Variants in NLGN1 observed in about 807,000 individuals in gnomAD.
The protein encoded by NLGN1 is neuroligin 1, also known as neuroligin-1.
A neutral mutation model predicts 65.5 loss-of-function variants in NLGN1; 12 were observed. That is an observed-to-expected ratio of 0.18 (90% confidence interval 0.12 to 0.30). The LOEUF (loss-of-function observed/expected upper bound fraction) is 0.30, where lower values mean the gene tolerates loss of function less well. Among genes scored for constraint, NLGN1 ranks in the 10% least tolerant of loss-of-function variants. The pLI is 1.00. For synonymous variants in NLGN1, 350 were observed against 359.5 expected (o/e 0.97, Z 0.30); for missense variants, 750 against 1,007.1 (o/e 0.74, Z 3.46).
chr3:174,083,847 G>GA (rs889569359), intron 4 of NLGN1, among the ~76,000 whole-genome samples: 5 of 151,370 alleles, frequency 3.3e-5, no homozygotes, highest in African/African-American at 9.7e-5. Flanking sequence ...TGACAAGAGT[G>GA]AAAAAAAAGA....
intron 4 of NLGN1, among the ~76,000 whole-genome samples, chr3:174,004,470 A>G (rs1466077272): frequency 3.3e-5 from 5 of 152,226 alleles, no homozygotes; most frequent in African/African-American, 9.6e-5. Context: ...CAAATTTTAT[A>G]TATCTTTTTT....
intron 4 of NLGN1, among the ~76,000 whole-genome samples, chr3:173,960,652 A>C (rs1357319976): frequency 6.6e-6 from 1 of 152,042 alleles, no homozygotes; most frequent in East Asian, 1.9e-4. Flanking sequence ...AATCATTTAA[A>C]TATAAACTAT....
chr3:174,104,238 A>G (rs943376302), intron 4 of NLGN1, among the ~76,000 whole-genome samples: 10 of 152,170 alleles, frequency 6.6e-5, no homozygotes, highest in African/African-American at 2.2e-4. Flanking sequence ...CAAAAATATT[A>G]TAGTAATATT....
chr3:174,041,232 A>AAAT (rs1333767635), intron 4 of NLGN1, among the ~76,000 whole-genome samples: 4 of 152,134 alleles, frequency 2.6e-5, no homozygotes, highest in Non-Finnish European at 5.9e-5. Context: ...AAATGAAATT[A>AAAT]AATAGTGTGC....
At chr3:173,709,973 A>G (rs1768695873) in intron 3 of NLGN1, among the ~76,000 whole-genome samples, 1 of 152,146 alleles carries the variant, frequency 6.6e-6, no homozygotes, top group South Asian at 2.1e-4. Context: ...CTTTAAAGGT[A>G]TAAATACTAA....
At chr3:174,289,943 GTATATATATGTGTATA>G (rs1400540327), downstream of NLGN1, among the ~76,000 whole-genome samples, 21 of 69,960 alleles carry the variant, frequency 3.0e-4, no homozygotes, top group African/African-American at 1.1e-3. Context: ...ATATATGTAT[GTATATATATGTGTATA>G]TATATATATG....
intron 3 of NLGN1, among the ~76,000 whole-genome samples, chr3:173,645,747 G>A (rs927122052): frequency 6.6e-6 from 1 of 152,200 alleles, no homozygotes; most frequent in Non-Finnish European, 1.5e-5. Flanking sequence ...GACTCATGGA[G>A]AATGAGGGAG....
chr3:173,627,044 G>A (rs937745605), intron 3 of NLGN1, among the ~76,000 whole-genome samples: 3 of 152,092 alleles, frequency 2.0e-5, no homozygotes, highest in South Asian at 2.1e-4. Context: ...AGTAAACTAC[G>A]TCCTCAAAAG....
intron 4 of NLGN1, among the ~76,000 whole-genome samples, chr3:174,185,675 C>T (rs892697717): frequency 6.6e-6 from 1 of 151,552 alleles, no homozygotes; most frequent in Non-Finnish European, 1.5e-5. Context: ...AAAGATCAGA[C>T]ATATGAAAAA....
intron 4 of NLGN1, among the ~76,000 whole-genome samples, chr3:173,916,653 G>C (rs1162408280): frequency 6.6e-6 from 1 of 152,016 alleles, no homozygotes; most frequent in Non-Finnish European, 1.5e-5. Context: ...ACATATTCCA[G>C]TGAGGCTTAT....
chr3:173,492,919 G>A (rs1159754262), intron 2 of NLGN1, among the ~76,000 whole-genome samples: 1 of 151,698 alleles, frequency 6.6e-6, no homozygotes, highest in Non-Finnish European at 1.5e-5. Flanking sequence ...TATCTCCTTA[G>A]GAATCCTGGG....
chr3:174,077,495 G>A (rs1382492414), intron 4 of NLGN1, among the ~76,000 whole-genome samples: 1 of 151,978 alleles, frequency 6.6e-6, no homozygotes, highest in Non-Finnish European at 1.5e-5. Context: ...AAAATATTTG[G>A]ACAACATGAG....
chr3:174,214,807 A>G (rs4378976), intron 4 of NLGN1, among the ~76,000 whole-genome samples: 93,195 of 151,898 alleles, frequency 0.61, 30,182 homozygotes, highest in East Asian at 0.77. Flanking sequence ...CCATAATCCT[A>G]CCCTGAGTTC....
intron 4 of NLGN1, among the ~76,000 whole-genome samples, chr3:173,951,930 G>T (rs1293702554): frequency 1.3e-5 from 2 of 152,042 alleles, no homozygotes; most frequent in Non-Finnish European, 2.9e-5. Context: ...AACCATTTTG[G>T]TTAGATTTTT....
At chr3:174,065,364 A>G (rs750814470) in intron 4 of NLGN1, among the ~76,000 whole-genome samples, 1 of 152,172 alleles carries the variant, frequency 6.6e-6, no homozygotes, top group African/African-American at 2.4e-5. Context: ...TGTATAATTT[A>G]TATGTATAAA....
rs189870027 is a variant in NLGN1 at position 173,807,024 on chromosome 3, T to C, written c.494-656T>C. Reference sequence around the variant, plus strand: ...AGCTGGATATAGTGGATGTCCTGAATTTCCTAAAAAATATCATTCTAATGA... The same window carrying C: ...AGCTGGATATAGTGGATGTCCTGAACTTCCTAAAAAATATCATTCTAATGA... On this transcript the variant is annotated intron_variant, in intron 3 of 6. Coordinates refer to ENST00000457714, the Ensembl canonical transcript of NLGN1. 2.4e-4 allele frequency among the ~76,000 whole-genome samples: 37 copies of C among 152,296 alleles called. No homozygotes were observed. In the East Asian group the frequency reaches 7.0e-3, roughly 29 times the overall value.
chr3:173,835,305 T>C (rs1242630927), intron 4 of NLGN1, among the ~76,000 whole-genome samples: 1 of 152,144 alleles, frequency 6.6e-6, no homozygotes, highest in Non-Finnish European at 1.5e-5. Flanking sequence ...GCATTGATAG[T>C]GCATAGACAA....
intron 4 of NLGN1, among the ~76,000 whole-genome samples, chr3:174,033,856 G>A (rs992104797): frequency 2.0e-5 from 3 of 152,096 alleles, no homozygotes; most frequent in Admixed American, 1.3e-4. Flanking sequence ...AATAGAAAGG[G>A]AAGAAAGAGA....
At chr3:173,665,281 C>A (rs1212171390) in intron 3 of NLGN1, among the ~76,000 whole-genome samples, 1 of 152,052 alleles carries the variant, frequency 6.6e-6, no homozygotes, top group African/African-American at 2.4e-5. Flanking sequence ...GGACTTTTCT[C>A]CCCTGTGTTC....
Sources: allele counts gnomAD v4.1 joint callset (sites outside exome capture counted in the v4.1 genomes callset), GRCh38; gene constraint gnomAD v4.1.1; transcripts MANE v1.5; gene names NCBI Gene and HGNC (gene_info 2026-07-23, HGNC 2026-07-21).